The following HPSE2 variants were observed in gnomAD, a reference collection of about 807,000 sequenced individuals.
The protein encoded by HPSE2 is heparanase 2 (inactive), also known as inactive heparanase-2.
In HPSE2, 38 loss-of-function variants were observed where a neutral mutation model predicts 60.5. The ratio of observed to expected loss-of-function variants is 0.63; its 90% CI spans 0.48 to 0.82. The LOEUF (loss-of-function observed/expected upper bound fraction) is 0.82. HPSE2 is among the 40% of genes least tolerant of loss of function. The probability of loss-of-function intolerance (pLI) is 0.00; values close to 1 mark genes in which losing one functional copy is unlikely to be tolerated. For missense variants in HPSE2, 713 were observed against 740.4 expected (o/e 0.96, Z 0.43); for synonymous variants, 295 against 293.2 (o/e 1.01, Z -0.06).
chr10:98,494,394 C>T (rs575178503), intron 9 of HPSE2, among the ~76,000 whole-genome samples: 5 of 152,252 alleles, frequency 3.3e-5, no homozygotes, highest in Admixed American at 1.3e-4. Context: ...GAGGAAGTAA[C>T]TTGTGGAATG....
intron 2 of HPSE2, among the ~76,000 whole-genome samples, chr10:99,164,870 G>A (rs1847008304): frequency 6.6e-6 from 1 of 152,012 alleles, no homozygotes. Flanking sequence ...CGGATCACGA[G>A]GTCAGGAGAT....
rs189633240 is a variant in HPSE2, at chr10:98,997,032, T to A, written c.610+147206A>T. Among the ~76,000 whole-genome samples, 374 of 152,190 alleles carry A rather than the reference T, an allele frequency of 2.5e-3. 1 individual carries two copies. The highest frequency in any genetic ancestry group is 2.9e-3 in the South Asian group (14 of 4,812). The stretch of plus-strand genomic sequence containing the variant: ...TGTAAGTTATATCTCAATAAAAAAA[T>A]TTTTAATAATTTAAGTATGTATTTA... On this transcript the variant is annotated intron_variant, in intron 3 of 11. Transcript: ENST00000370552.
chr10:99,080,929 T>C (rs1336426665), intron 3 of HPSE2, among the ~76,000 whole-genome samples: 1 of 152,208 alleles, frequency 6.6e-6, no homozygotes, highest in Non-Finnish European at 1.5e-5. Flanking sequence ...TGTAGAATAT[T>C]TGAAGCTATG....
intron 9 of HPSE2, among the ~76,000 whole-genome samples, chr10:98,492,555 C>T (rs1235045989): frequency 4.7e-5 from 7 of 149,696 alleles, no homozygotes; most frequent in South Asian, 2.1e-4. Flanking sequence ...ATGTTTATTA[C>T]GTTTAATTCT....
chr10:98,975,595 A>C (rs1956065327), intron 3 of HPSE2, among the ~76,000 whole-genome samples: 2 of 152,210 alleles, frequency 1.3e-5, no homozygotes, highest in Admixed American at 1.3e-4. Context: ...TTGGATGCCT[A>C]CAAGGAGAAT....
chr10:98,896,161 A>G lies in HPSE2; in HGVS notation c.611-152105T>C, dbSNP rs188992952. Among the ~76,000 whole-genome samples the G allele has an allele frequency of 3.7e-4, 57 of 152,166 alleles. 1 individual carries two copies. The East Asian group carries it at 0.011, about 28-fold the overall frequency. ...AGTAGTTCCCTTGCAACGAGATACC[A>G]TTTTTCTCATGTTTCATCTAAATAT... On this transcript the variant is annotated intron_variant, in intron 3 of 11. Coordinates refer to ENST00000370552, the MANE Select transcript of HPSE2 (RefSeq NM_021828.5).
intron 3 of HPSE2, among the ~76,000 whole-genome samples, chr10:98,991,889 G>A (rs1268069160): frequency 6.6e-6 from 1 of 152,134 alleles, no homozygotes; most frequent in African/African-American, 2.4e-5. Context: ...CAGGTCTGAA[G>A]CAGGCTTCTC....
the HPSE2 span, among the ~76,000 whole-genome samples, chr10:99,258,747 G>GT: frequency 1.3e-5 from 2 of 152,216 alleles, no homozygotes; most frequent in African/African-American, 2.4e-5. Context: ...TTTTGACAAA[G>GT]ATGCAAAGGT....
At chr10:99,237,344 G>T (rs1849885347), upstream of HPSE2, among the ~76,000 whole-genome samples, 1 of 152,262 alleles carries the variant, frequency 6.6e-6, no homozygotes, top group East Asian at 1.9e-4. Context: ...CCCCAGAAGT[G>T]GATGGACAAG....
At chr10:98,773,804 A>T (rs139795400) in intron 3 of HPSE2, among the ~76,000 whole-genome samples, 480 of 152,336 alleles carry the variant, frequency 3.2e-3, no homozygotes, top group Middle Eastern at 6.8e-3. Context: ...ACAGTGGCTC[A>T]TGCCTTTGGG....
chr10:99,305,971 G>GCACACACACACA, the HPSE2 span, among the ~76,000 whole-genome samples: 835 of 41,834 alleles, frequency 0.02, 2 homozygotes, highest in South Asian at 0.06. Flanking sequence ...ACGCGCGCGC[G>GCACACACACACA]CGCGCGCGCA....
At chr10:98,776,369 C>G (rs1950340723) in intron 3 of HPSE2, among the ~76,000 whole-genome samples, 1 of 151,960 alleles carries the variant, frequency 6.6e-6, no homozygotes, top group African/African-American at 2.4e-5. Context: ...ATCACTTGAA[C>G]CCAGGAGGTA....
intron 3 of HPSE2, among the ~76,000 whole-genome samples, chr10:98,936,940 C>T (rs1354261910): frequency 9.2e-6 from 1 of 108,786 alleles, no homozygotes; most frequent in Non-Finnish European, 1.6e-5. Context: ...GACAGCACTA[C>T]TACACTCCAA....
intron 3 of HPSE2, among the ~76,000 whole-genome samples, chr10:98,807,374 T>C (rs1951066732): frequency 6.6e-6 from 1 of 152,230 alleles, no homozygotes; most frequent in African/African-American, 2.4e-5. Flanking sequence ...ATTATGAAGA[T>C]CTTACTCTTT....
In HPSE2 at chr10:98,818,912, C is replaced by A. The variant is rs574385285; in HGVS notation, c.611-74856G>T. ...TCCACCTCTGATTCAGTTAACCTGG[C>A]CAGCCAATTAGCCTAAACAATTTGT... is the stretch of plus-strand genomic sequence containing the variant. On this transcript the variant is annotated intron_variant, in intron 3 of 11. Coordinates refer to ENST00000370552, the MANE Select transcript of HPSE2 (RefSeq NM_021828.5). Among the ~76,000 whole-genome samples the A allele has an allele frequency of 1.1e-3, 165 of 152,282 alleles. 2 individuals are homozygous for A. Among genetic ancestry groups the A allele is most frequent in the Middle Eastern group, 0.01 (3 of 294 alleles).
chr10:99,203,024 C>T (rs1848627995), intron 2 of HPSE2, among the ~76,000 whole-genome samples: 1 of 152,106 alleles, frequency 6.6e-6, no homozygotes, highest in Admixed American at 6.5e-5. Flanking sequence ...GCCCCCATGG[C>T]CCCAGAACGA....
chr10:98,917,467 TCTGAAATCAATC>T (rs1425043686), intron 3 of HPSE2, among the ~76,000 whole-genome samples: 1 of 152,154 alleles, frequency 6.6e-6, no homozygotes, highest in Non-Finnish European at 1.5e-5. Context: ...AACAGATAAT[TCTGAAATCAATC>T]CTGAAATAGG....
chr10:99,254,455 G>A, the HPSE2 span, among the ~76,000 whole-genome samples: 1 of 152,116 alleles, frequency 6.6e-6, no homozygotes, highest in Non-Finnish European at 1.5e-5. Flanking sequence ...CTCAGTACCT[G>A]AGTGATGGGA....
intron 10 of HPSE2, among the ~76,000 whole-genome samples, chr10:98,487,375 C>T (rs765140125): frequency 9.2e-5 from 14 of 152,240 alleles, no homozygotes; most frequent in African/African-American, 1.2e-4. Context: ...CCATGACAGG[C>T]GGTGAGGTAT....
Sources: allele counts gnomAD v4.1 joint callset (sites outside exome capture counted in the v4.1 genomes callset), GRCh38; gene constraint gnomAD v4.1.1; transcripts MANE v1.5; gene names NCBI Gene and HGNC (gene_info 2026-07-23, HGNC 2026-07-21).